The following ZPBP variants were observed in gnomAD, a reference collection of about 807,000 sequenced individuals.
The protein encoded by ZPBP is zona pellucida-binding protein 1.
ZPBP carries 26 observed loss-of-function variants against 44.8 expected under a neutral mutation model. That is an observed-to-expected ratio of 0.58 (90% CI 0.43 to 0.81). ZPBP has a LOEUF of 0.81. Ranked by LOEUF, ZPBP falls within the 30% of genes least tolerant of loss-of-function variation. The probability of loss-of-function intolerance (pLI) is 0.00; values close to 1 mark genes in which losing one functional copy is unlikely to be tolerated. For missense variants in ZPBP, 409 were observed against 434.0 expected (o/e 0.94, Z 0.51); for synonymous variants, 174 against 153.2 (o/e 1.14, Z -1.00).
At chr7:49,885,013 G>T (rs1416838599) in intron 2 of ZPBP, among the ~76,000 whole-genome samples, 1 of 152,060 alleles carries the variant, frequency 6.6e-6, no homozygotes, top group Non-Finnish European at 1.5e-5. Context: ...TATAAGTGTT[G>T]TATGGCTAAA....
At chr7:49,987,929 G>GCAGA (rs1303146624) in intron 6 of ZPBP, among the ~76,000 whole-genome samples, 2 of 152,112 alleles carry the variant, frequency 1.3e-5, no homozygotes, top group Admixed American at 1.3e-4. Flanking sequence ...TTGGTAAAAT[G>GCAGA]CAGATGTTGT....
At position 49,926,523 on chromosome 7, in the gene ZPBP, C is replaced by T. The variant is rs201118429; in HGVS notation, n.411+9228G>A. 4.6e-5 allele frequency among the ~76,000 whole-genome samples: 7 copies of T among 152,202 alleles called. No individual in the cohort carries two copies. The East Asian group carries it at 1.3e-3, about 29-fold the overall frequency. On this transcript the variant is annotated intron_variant and non_coding_transcript_variant, in intron 1 of 2. Coordinates refer to the ZPBP transcript ENST00000465922. The stretch of plus-strand genomic sequence containing the variant: ...GCTGTCCTTGGTGGCACCCTTGTCT[C>T]CTTCTTAGGCCTAAGCCATAACACC...
At chr7:49,974,871 G>A (rs1273960063) in intron 7 of ZPBP, among the ~76,000 whole-genome samples, 1 of 68 alleles carries the variant, frequency 0.015, no homozygotes, top group Non-Finnish European at 0.033. Flanking sequence ...CAGTTCTCAG[G>A]TCCCTAGAGA....
chr7:50,045,328 G>A (rs1019245785), intron 4 of ZPBP, among the ~76,000 whole-genome samples: 18 of 152,046 alleles, frequency 1.2e-4, no homozygotes, highest in African/African-American at 4.3e-4. Flanking sequence ...AAACATAAAG[G>A]GTATTCAAAT....
At chr7:49,987,589 C>T (rs1797351535) in intron 6 of ZPBP, among the ~76,000 whole-genome samples, 3 of 152,154 alleles carry the variant, frequency 2.0e-5, no homozygotes, top group Admixed American at 1.3e-4. Flanking sequence ...CTGGAAACTG[C>T]ATGCTTTCCT....
chr7:49,844,901 T>C, the ZPBP span, among the ~76,000 whole-genome samples: 2 of 152,250 alleles, frequency 1.3e-5, no homozygotes, highest in South Asian at 4.2e-4. Flanking sequence ...CAGGCTAGTC[T>C]TGAACTCCTG....
chr7:49,918,727 C>T (rs942974308), intron 1 of ZPBP: 4 of 152,190 alleles, frequency 2.6e-5, no homozygotes, highest in African/African-American at 9.7e-5. Context: ...ATTTTATCAA[C>T]TCTGCTATAT....
At chr7:49,999,114 C>T (rs1300312891) in intron 6 of ZPBP, among the ~76,000 whole-genome samples, 2 of 151,884 alleles carry the variant, frequency 1.3e-5, no homozygotes, top group Admixed American at 1.3e-4. Flanking sequence ...CTTCTGGTCC[C>T]AAGCATTTTG....
intron 3 of ZPBP, among the ~76,000 whole-genome samples, chr7:50,064,755 G>C (rs112937752): frequency 0.012 from 1,830 of 152,112 alleles, 43 homozygotes; most frequent in African/African-American, 0.041. Context: ...TTTTCAAGGT[G>C]CCCACATTTC....
At chr7:49,917,633 G>A (rs1046952511) in intron 1 of ZPBP, 2 of 151,900 alleles carry the variant, frequency 1.3e-5, no homozygotes, top group African/African-American at 2.4e-5. Context: ...CAAATATTGC[G>A]ACTTTAGTTT....
At chr7:50,079,849 AAG>A (rs1802277017) in intron 3 of ZPBP, among the ~76,000 whole-genome samples, 1 of 151,630 alleles carries the variant, frequency 6.6e-6, no homozygotes, top group Non-Finnish European at 1.5e-5. Context: ...CCACACCAAA[AAG>A]AGTTAATTCA....
chr7:50,068,829 C>T (rs78241369), intron 3 of ZPBP, among the ~76,000 whole-genome samples: 107 of 152,300 alleles, frequency 7.0e-4, no homozygotes, highest in Non-Finnish European at 1.3e-3. Flanking sequence ...CAGAGTTAAA[C>T]GGAGTATACA....
At chr7:50,092,505 C>G (rs1318504681) in intron 1 of ZPBP, among the ~76,000 whole-genome samples, 1 of 152,180 alleles carries the variant, frequency 6.6e-6, no homozygotes, top group Non-Finnish European at 1.5e-5. Context: ...CAAAACCTTT[C>G]TAGTTAAATA....
chr7:50,024,996 A>G (rs919121770), intron 5 of ZPBP, among the ~76,000 whole-genome samples: 1 of 151,918 alleles, frequency 6.6e-6, no homozygotes, highest in African/African-American at 2.4e-5. Context: ...TAAAAAGTCA[A>G]TTGCTTTCCT....
Position 49,963,366 on chromosome 7 carries a change from G to A in ZPBP, c.961+19976C>T, listed in dbSNP as rs570371170. ...ACTTATATTTACCATATCACTCCAC[G>A]ATTTAACTCTTATGTATTTACTCAA... is the stretch of plus-strand genomic sequence containing the variant. On this transcript the variant is annotated intron_variant, in intron 7 of 7. Coordinates refer to ENST00000046087, the MANE Select transcript of ZPBP (RefSeq NM_007009.3). 1.3e-4 allele frequency among the ~76,000 whole-genome samples: 20 copies of A among 151,748 alleles called. No homozygotes were observed. The East Asian group carries it at 2.1e-3, about 16-fold the overall frequency.
intron 3 of ZPBP, among the ~76,000 whole-genome samples, chr7:50,068,489 T>C (rs987332487): frequency 2.6e-5 from 4 of 152,126 alleles, no homozygotes; most frequent in Admixed American, 6.5e-5. Context: ...GCTTTTCTTT[T>C]ACATCAAGCA....
chr7:50,082,427 G>T (rs1802415142), intron 2 of ZPBP, among the ~76,000 whole-genome samples: 1 of 151,698 alleles, frequency 6.6e-6, no homozygotes, highest in Non-Finnish European at 1.5e-5. Flanking sequence ...TGTTCCATTT[G>T]CTTTGAAATT....
At chr7:49,930,855 T>C (rs1794420564) in intron 1 of ZPBP, among the ~76,000 whole-genome samples, 1 of 152,270 alleles carries the variant, frequency 6.6e-6, no homozygotes, top group African/African-American at 2.4e-5. Flanking sequence ...GGCTTAACCA[T>C]ATGATTTGGT....
chr7:49,863,207 A>G (rs1395106527), intron 2 of ZPBP, among the ~76,000 whole-genome samples: 4 of 152,196 alleles, frequency 2.6e-5, no homozygotes, highest in East Asian at 1.9e-4. Flanking sequence ...GTGTGTTTCT[A>G]GGAATTTGTC....
Sources: gnomAD v4.1 joint callset for allele counts (sites outside exome capture counted in the v4.1 genomes callset) on GRCh38, gnomAD v4.1.1 for gene constraint, MANE v1.5 for transcripts, NCBI Gene and HGNC (gene_info 2026-07-23, HGNC 2026-07-21) for gene names.